The following LRRTM3 variants were observed in gnomAD, a reference collection of about 807,000 sequenced individuals.
LRRTM3 encodes the protein leucine rich repeat transmembrane neuronal 3, also known as leucine-rich repeat transmembrane neuronal protein 3.
In LRRTM3, 24 loss-of-function variants were observed where a neutral mutation model predicts 44.7. The ratio of observed to expected loss-of-function variants is 0.54; its 90% CI spans 0.39 to 0.76. The LOEUF (loss-of-function observed/expected upper bound fraction) is 0.76. Among genes scored for constraint, LRRTM3 ranks in the 30% least tolerant of loss-of-function variants. LRRTM3 has a pLI of 0.00. For synonymous variants in LRRTM3, 277 were observed against 278.7 expected (o/e 0.99, Z 0.06); for missense variants, 587 against 702.2 (o/e 0.84, Z 1.85).
At chr10:67,026,828 A>T (rs1589624982) in intron 2 of LRRTM3, among the ~76,000 whole-genome samples, 1 of 152,194 alleles carries the variant, frequency 6.6e-6, no homozygotes, top group African/African-American at 2.4e-5. Context: ...TGTTAATTAA[A>T]AGAGTTCAGA....
intron 2 of LRRTM3, among the ~76,000 whole-genome samples, chr10:67,037,594 T>A (rs911394819): frequency 5.9e-5 from 9 of 152,066 alleles, no homozygotes; most frequent in Admixed American, 1.3e-4. Flanking sequence ...TGCAAGGAGA[T>A]GAATTAGAAA....
At chr10:66,962,996 G>C (rs1224958431) in intron 2 of LRRTM3, among the ~76,000 whole-genome samples, 1 of 146,990 alleles carries the variant, frequency 6.8e-6, no homozygotes, top group African/African-American at 2.5e-5. Context: ...GAATGAAGGG[G>C]TTCTTTGGAA....
chr10:67,056,174 C>T (rs1341648111), intron 2 of LRRTM3, among the ~76,000 whole-genome samples: 1 of 152,114 alleles, frequency 6.6e-6, no homozygotes, highest in Non-Finnish European at 1.5e-5. Context: ...GAATTTATAT[C>T]ACATAAGAGT....
At chr10:67,029,114 A>C (rs548847200) in intron 2 of LRRTM3, among the ~76,000 whole-genome samples, 1 of 152,246 alleles carries the variant, frequency 6.6e-6, no homozygotes, top group Admixed American at 6.5e-5. Context: ...ATCTTTCTTT[A>C]TGTCTCTCTA....
intron 2 of LRRTM3, among the ~76,000 whole-genome samples, chr10:67,065,295 A>G (rs1286673573): frequency 2.6e-5 from 4 of 152,182 alleles, no homozygotes; most frequent in African/African-American, 4.8e-5. Context: ...TCATTTAAAA[A>G]CCAAGGTTAA....
intron 2 of LRRTM3, among the ~76,000 whole-genome samples, chr10:67,017,959 A>T (rs1323147784): frequency 6.6e-6 from 1 of 151,984 alleles, no homozygotes; most frequent in African/African-American, 2.4e-5. Flanking sequence ...TTAAGTTGAG[A>T]TGGGGTTTCA....
At chr10:66,986,842 T>A (rs920258829) in intron 2 of LRRTM3, among the ~76,000 whole-genome samples, 1 of 152,134 alleles carries the variant, frequency 6.6e-6, no homozygotes, top group Non-Finnish European at 1.5e-5. Context: ...TAACAGATGT[T>A]TATTGAACAC....
Position 66,927,170 on chromosome 10 carries a change from A to G in LRRTM3, c.254A>G (p.Asn85Ser), listed in dbSNP as rs1428451112. The G allele has an allele frequency of 6.2e-7, 1 of 1,614,246 alleles. No homozygotes were observed. The highest frequency in any genetic ancestry group is 1.7e-5 in the Admixed American group (1 of 60,036). Reference protein sequence around the residue: ...KLKYNQFKGLNQLTWLYLDHN... With the variant: ...KLKYNQFKGLSQLTWLYLDHN... ...AAGTATAATCAATTTAAAGGGCTCA[A>G]CCAGCTCACCTGGCTATACCTTGAC... The change falls in exon 2 of 3, where the codon AAC becomes AGC. Residue 85 changes from asparagine to serine, a missense_variant. Physicochemically the swap from Asn to Ser is conservative, Grantham distance 46. Coordinates refer to ENST00000361320, the MANE Select transcript of LRRTM3 (RefSeq NM_178011.5). This position sits in a 1 kb window ranked among gnomAD's most constrained non-coding sequence, Gnocchi z 4.7.
chr10:67,003,793 TA>T (rs1851814554), intron 2 of LRRTM3, among the ~76,000 whole-genome samples: 1 of 152,194 alleles, frequency 6.6e-6, no homozygotes, highest in African/African-American at 2.4e-5. Context: ...ATTGAGAGGT[TA>T]ATTTTGTTAA....
chr10:67,024,564 A>T (rs1413939115), intron 2 of LRRTM3, among the ~76,000 whole-genome samples: 3 of 152,190 alleles, frequency 2.0e-5, no homozygotes, highest in East Asian at 3.9e-4. Context: ...CAAAGTCATT[A>T]TGTTTTGGAG....
At chr10:67,097,509 G>A in intron 2 of LRRTM3, 78 bp from the exon 3 acceptor site, 3 of 1,294,086 alleles carry the variant, frequency 2.3e-6, no homozygotes, top group Non-Finnish European at 3.3e-6. Flanking sequence ...AGTCAGGTCA[G>A]CACTTCAGTC....
At chr10:67,030,190 A>T (rs912688533) in intron 2 of LRRTM3, among the ~76,000 whole-genome samples, 1 of 152,222 alleles carries the variant, frequency 6.6e-6, no homozygotes, top group African/African-American at 2.4e-5. Context: ...GAAGTCAGAC[A>T]TTCATTTATT....
At position 66,926,090 on chromosome 10, in the gene LRRTM3, C is replaced by A. The variant is rs1380869146; in HGVS notation, c.-494C>A. Reference sequence around the variant, plus strand: ...TCTGCAGAAGTGAGCTGAGCGTGTGCGCGGTACGGGGCTCTCCTGCCTTCT... The same window carrying A: ...TCTGCAGAAGTGAGCTGAGCGTGTGAGCGGTACGGGGCTCTCCTGCCTTCT... On this transcript the variant is annotated 5_prime_UTR_variant, in exon 1 of 3. It introduces an in-frame stop codon into an upstream open reading frame of the 5' UTR. Transcript: ENST00000361320. 2.2e-6 allele frequency: 1 copy of A among 457,942 alleles called. No homozygotes were observed. Among genetic ancestry groups the A allele is most frequent in the Non-Finnish European group, 4.4e-6 (1 of 227,862 alleles). The allele number at this position is 457,942 out of a possible 1,614,324, so 28.4% of individuals were successfully genotyped here. A position where few individuals can be genotyped will look rare whatever the true frequency, so the allele number is the denominator to read the frequency against.
chr10:67,050,175 C>T (rs2133181152), intron 2 of LRRTM3, among the ~76,000 whole-genome samples: 1 of 152,302 alleles, frequency 6.6e-6, no homozygotes, highest in South Asian at 2.1e-4. Context: ...ATGCAGAATG[C>T]ATGTAGAACA....
intron 2 of LRRTM3, among the ~76,000 whole-genome samples, chr10:66,975,699 T>C (rs949479237): frequency 6.6e-6 from 1 of 152,168 alleles, no homozygotes; most frequent in Non-Finnish European, 1.5e-5. Flanking sequence ...TGGTTCTCCA[T>C]CAAGCTAAGT....
intron 2 of LRRTM3, among the ~76,000 whole-genome samples, chr10:67,083,523 A>G (rs1857151419): frequency 4.6e-5 from 7 of 152,136 alleles, no homozygotes. Context: ...TTTTAACTAC[A>G]TTTGAGTTAT....
Position 66,927,829 on chromosome 10 carries a change from A to G in LRRTM3, c.913A>G (p.Asn305Asp). The G allele has an allele frequency of 6.2e-7, 1 of 1,614,208 alleles. No homozygotes were observed. Among genetic ancestry groups the G allele is most frequent in the Non-Finnish European group, 8.5e-7 (1 of 1,180,040 alleles). ...QEILDSWISL[N>D]DISLAGNIWE... ...GATTTTGGATTCTTGGATATCCCTC[A>G]ATGACATCAGTCTTGCTGGGAATAT... The change falls in exon 2 of 3, where the codon AAT becomes GAT. Residue 305 changes from asparagine to aspartate, a missense_variant. Coordinates refer to ENST00000361320, the MANE Select transcript of LRRTM3 (RefSeq NM_178011.5). This position sits in a 1 kb window ranked among gnomAD's most constrained non-coding sequence, Gnocchi z 4.7.
intron 2 of LRRTM3, among the ~76,000 whole-genome samples, chr10:67,086,425 C>A (rs1249567456): frequency 6.6e-6 from 1 of 151,970 alleles, no homozygotes; most frequent in East Asian, 1.9e-4. Context: ...AAGAGAAATT[C>A]AATGCTTATC....
intron 2 of LRRTM3, among the ~76,000 whole-genome samples, chr10:67,016,029 T>A (rs201688618): frequency 1.3e-5 from 1 of 76,338 alleles, no homozygotes; most frequent in Admixed American, 1.9e-4. Flanking sequence ...TGCTGTATAC[T>A]CTCTTCTTTG....
Sources: allele counts gnomAD v4.1 joint callset (sites outside exome capture counted in the v4.1 genomes callset), GRCh38; gene constraint gnomAD v4.1.1; non-coding constraint Gnocchi (gnomAD v3.1); transcripts MANE v1.5; gene names NCBI Gene and HGNC (gene_info 2026-07-23, HGNC 2026-07-21).